Variants in CCDC171 observed in about 807,000 individuals in gnomAD.
CCDC171 encodes the protein coiled-coil domain containing 171, also known as coiled-coil domain-containing protein 171.
CCDC171 carries 177 observed loss-of-function variants against 168.2 expected under a neutral mutation model. That is an observed-to-expected ratio of 1.05 (90% confidence interval 0.93 to 1.19). The LOEUF (loss-of-function observed/expected upper bound fraction) is 1.19. Ranked by LOEUF, CCDC171 falls within the 50% of genes most tolerant of loss-of-function variation. The pLI, the probability that CCDC171 is intolerant of heterozygous loss-of-function variation, is 0.00. For missense variants in CCDC171, 1,991 were observed against 1,539.0 expected, an observed-to-expected ratio of 1.29 and a Z score of -4.91; for synonymous variants, 687 against 540.8, an observed-to-expected ratio of 1.27 and a Z score of -3.75.
rs1030619482 is a variant in CCDC171, at chr9:15,959,611, C to T, written c.3754-11998C>T. Among the ~76,000 whole-genome samples the T allele has an allele frequency of 6.6e-5, 10 of 152,172 alleles. No homozygotes were observed. The East Asian group carries it at 1.4e-3, about 21-fold the overall frequency. The stretch of plus-strand genomic sequence containing the variant: ...TATCTAGTAGACAACCTACTCCAAG[C>T]GCAGACTGCATTTCAAACAAGTCTA... On this transcript the variant is annotated intron_variant, in intron 25 of 25. Coordinates refer to ENST00000380701, the MANE Select transcript of CCDC171 (RefSeq NM_173550.4).
chr9:15,989,606 G>C (rs978029010), intron 3 of CCDC171, among the ~76,000 whole-genome samples: 1 of 152,114 alleles, frequency 6.6e-6, no homozygotes, highest in Admixed American at 6.5e-5. Flanking sequence ...AGAGAAGAAG[G>C]TTTCAGATGA....
intron 23 of CCDC171, among the ~76,000 whole-genome samples, chr9:15,857,714 G>A (rs1435694835): frequency 6.6e-6 from 1 of 151,798 alleles, no homozygotes; most frequent in East Asian, 1.9e-4. Context: ...ATGAGCCACC[G>A]TGCCTGGCCC....
At chr9:16,066,493 G>T (rs189502402), downstream of CCDC171, among the ~76,000 whole-genome samples, 479 of 142,916 alleles carry the variant, frequency 3.4e-3, 4 homozygotes, top group African/African-American at 0.012. Context: ...TAAGTTTTAG[G>T]GTACATGTGC....
intron 23 of CCDC171, among the ~76,000 whole-genome samples, chr9:15,853,723 T>A (rs1029568740): frequency 2.6e-5 from 4 of 151,662 alleles, no homozygotes; most frequent in Non-Finnish European, 5.9e-5. Flanking sequence ...TGATATTAGC[T>A]GTGGGTTTTT....
intron 3 of CCDC171, among the ~76,000 whole-genome samples, chr9:15,577,189 G>GC (rs1412024974): frequency 1.4e-4 from 22 of 152,070 alleles, no homozygotes; most frequent in Non-Finnish European, 7.3e-5. Flanking sequence ...AACCTTATCT[G>GC]CCCTGGGGCT....
chr9:15,910,689 C>G (rs1218336814), intron 24 of CCDC171, among the ~76,000 whole-genome samples: 1 of 152,092 alleles, frequency 6.6e-6, no homozygotes, highest in Non-Finnish European at 1.5e-5. Flanking sequence ...AATGCTATCC[C>G]TCCCCTAGCC....
intron 23 of CCDC171, among the ~76,000 whole-genome samples, chr9:15,851,427 C>CT (rs1052832049): frequency 4.4e-4 from 16 of 36,400 alleles, no homozygotes; most frequent in African/African-American, 1.6e-3. Context: ...AAAAGACACT[C>CT]TTTTGGGGGG....
chr9:15,731,682 T>C (rs1377369837), intron 16 of CCDC171, among the ~76,000 whole-genome samples: 3 of 152,232 alleles, frequency 2.0e-5, no homozygotes, highest in African/African-American at 7.2e-5. Flanking sequence ...AAGTCTTTTG[T>C]CAACATATGG....
chr9:15,857,180 T>C (rs1176158963), intron 23 of CCDC171, among the ~76,000 whole-genome samples: 3 of 151,908 alleles, frequency 2.0e-5, no homozygotes, highest in African/African-American at 7.3e-5. Flanking sequence ...CTTTTCATTA[T>C]GTTGATTATT....
intron 21 of CCDC171, among the ~76,000 whole-genome samples, chr9:15,839,640 AT>A (rs1263999095): frequency 6.6e-6 from 1 of 151,650 alleles, no homozygotes; most frequent in Non-Finnish European, 1.5e-5. Context: ...TACTCAAGTA[AT>A]TTTCCCCCCT....
intron 25 of CCDC171, among the ~76,000 whole-genome samples, chr9:15,938,647 A>G (rs1827370401): frequency 1.3e-5 from 2 of 151,860 alleles, no homozygotes; most frequent in Admixed American, 6.6e-5. Flanking sequence ...ATTCTATGTT[A>G]GCTGAGAAAT....
intron 3 of CCDC171, among the ~76,000 whole-genome samples, chr9:16,012,608 GT>G (rs35024410): frequency 0.89 from 134,510 of 150,620 alleles, 60,224 homozygotes; most frequent in Admixed American, 0.92. Context: ...ATTGCTGGTT[GT>G]TTTTTTTTAT....
chr9:15,702,438 A>G (rs1339912085), intron 11 of CCDC171, among the ~76,000 whole-genome samples: 5 of 152,044 alleles, frequency 3.3e-5, no homozygotes, highest in African/African-American at 1.2e-4. Flanking sequence ...CCTCTGCTCT[A>G]TAAATGCTCT....
chr9:15,802,254 T>C (rs1453504750), intron 21 of CCDC171, among the ~76,000 whole-genome samples: 3 of 152,054 alleles, frequency 2.0e-5, no homozygotes, highest in African/African-American at 7.2e-5. Flanking sequence ...TAATTAATTA[T>C]TTTCAACTTT....
At chr9:15,980,781 C>T (rs988717448) in intron 3 of CCDC171, among the ~76,000 whole-genome samples, 22 of 151,338 alleles carry the variant, frequency 1.5e-4, no homozygotes, top group South Asian at 4.2e-4. Context: ...GCACCTGCTA[C>T]GTACTGAATT....
chr9:15,582,768 A>G (rs1043308924), intron 4 of CCDC171, among the ~76,000 whole-genome samples: 2 of 150,254 alleles, frequency 1.3e-5, no homozygotes, highest in Non-Finnish European at 3.0e-5. Context: ...AACATCACAC[A>G]CTGGGGCCTG....
intron 11 of CCDC171, among the ~76,000 whole-genome samples, chr9:15,721,451 A>G (rs2053470374): frequency 6.6e-6 from 1 of 151,698 alleles, no homozygotes; most frequent in Admixed American, 6.6e-5. Flanking sequence ...TGAAAACAAA[A>G]ACAAAAACAA....
chr9:15,623,354 C>G lies in CCDC171; in HGVS notation c.763C>G (p.Gln255Glu). The stretch of plus-strand genomic sequence containing the variant: ...GGACTGCTCTGACCTTTTACGGCGA[C>G]AAACAAGTGAACTTGAATTTAGCAC... ...HMDCSDLLRR[Q>E]TSELEFSTQR... The change falls in exon 7 of 26, where the codon CAA becomes GAA. Residue 255 changes from glutamine to glutamate, a missense_variant. By Grantham distance (29) the Gln-to-Glu change is conservative. Transcript: ENST00000380701. 1 of 1,612,106 alleles carries G rather than the reference C, an allele frequency of 6.2e-7. No homozygotes were observed. Among genetic ancestry groups the G allele is most frequent in the African/African-American group, 1.3e-5 (1 of 75,026 alleles).
the CCDC171 span, among the ~76,000 whole-genome samples, chr9:16,090,634 T>C: frequency 6.6e-6 from 1 of 152,202 alleles, no homozygotes; most frequent in Non-Finnish European, 1.5e-5. Flanking sequence ...AATGGTGGCC[T>C]CACTTTTATC....
Sources: allele counts gnomAD v4.1 joint callset (sites outside exome capture counted in the v4.1 genomes callset), GRCh38; gene constraint gnomAD v4.1.1; transcripts MANE v1.5; gene names NCBI Gene and HGNC (gene_info 2026-07-23, HGNC 2026-07-21).